The following STK38 variants were observed in gnomAD, a reference collection of about 807,000 sequenced individuals.
STK38 encodes serine/threonine kinase 38.
Under a neutral mutation model 59.0 loss-of-function variants are expected in STK38, and 26 were observed. The ratio of observed to expected loss-of-function variants is 0.44; its 90% CI spans 0.32 to 0.61. STK38 has a LOEUF of 0.61. Among genes scored for constraint, STK38 ranks in the 20% least tolerant of loss-of-function variants. STK38 has a pLI of 0.04. For missense variants in STK38, 433 were observed against 566.0 expected, an observed-to-expected ratio of 0.76 and a Z score of 2.38; for synonymous variants, 175 against 176.6, an observed-to-expected ratio of 0.99 and a Z score of 0.07.
chr6:36,514,100 A>G (rs1777185323), intron 7 of STK38, among the ~76,000 whole-genome samples: 1 of 147,732 alleles, frequency 6.8e-6, no homozygotes, highest in Non-Finnish European at 1.5e-5. Context: ...GCTTGCAGTG[A>G]GCCGAGACTG....
intron 2 of STK38, among the ~76,000 whole-genome samples, chr6:36,534,218 T>C (rs760149309): frequency 2.0e-5 from 3 of 151,970 alleles, no homozygotes; most frequent in Admixed American, 6.6e-5. Context: ...ATGACCATTA[T>C]GGAGATGATG....
rs764793487 is a variant in STK38, at chr6:36,515,320, C to G, written c.669+18G>C. ...GATCAGTAAACGTGCATAGTTCATG[C>G]CAATGCCCCCCCAATACCTTGCTGT... On this transcript the variant is annotated intron_variant, in intron 7 of 13. Coordinates refer to ENST00000229812, the MANE Select transcript of STK38 (RefSeq NM_007271.4). The G allele has an allele frequency of 3.1e-6, 5 of 1,612,420 alleles. No individual in the cohort carries two copies. The highest frequency in any genetic ancestry group is 4.2e-6 in the Non-Finnish European group (5 of 1,179,184).
intron 1 of STK38, among the ~76,000 whole-genome samples, chr6:36,546,256 C>G (rs141871135): frequency 6.6e-6 from 1 of 152,314 alleles, no homozygotes; most frequent in East Asian, 1.9e-4. Flanking sequence ...TTTTTGATGT[C>G]CATTCCTAGG....
intron 2 of STK38, among the ~76,000 whole-genome samples, chr6:36,527,212 ATG>A (rs202063693): frequency 0.018 from 2,357 of 132,764 alleles, 116 homozygotes; most frequent in East Asian, 0.13. Flanking sequence ...AAAAAAATAT[ATG>A]TATATATATA....
At chr6:36,521,934 C>CTAGTAA (rs1777386846) in intron 4 of STK38, 117 bp from the exon 5 acceptor site, 1 of 726,792 alleles carries the variant, frequency 1.4e-6, no homozygotes, top group Non-Finnish European at 2.2e-6. Flanking sequence ...ACATGAGCAA[C>CTAGTAA]TAGTAATAAC....
chr6:36,505,985 C>T (rs1776952877), intron 9 of STK38, among the ~76,000 whole-genome samples: 1 of 152,192 alleles, frequency 6.6e-6, no homozygotes, highest in Non-Finnish European at 1.5e-5. Context: ...TTCCAACATA[C>T]TATCAAGGTA....
intron 1 of STK38, among the ~76,000 whole-genome samples, chr6:36,543,118 G>A (rs1031924002): frequency 6.0e-5 from 9 of 151,016 alleles, no homozygotes; most frequent in Admixed American, 2.0e-4. Flanking sequence ...AGGCTGGAGT[G>A]CAGTGGCGCG....
rs1776715654 is a variant in STK38 at position 36,496,798 on chromosome 6, G to T, written c.1180C>A (p.Pro394Thr). 6.2e-7 allele frequency: 1 copy of T among 1,611,338 alleles called. No homozygotes were observed. Among genetic ancestry groups the T allele is most frequent in the Non-Finnish European group, 8.5e-7 (1 of 1,178,630 alleles). The change falls in exon 13 of 14, where the codon CCT (proline) becomes ACT (threonine). Residue 394 changes from proline (P) to threonine (T), a missense_variant. Transcript: ENST00000229812. ...TTGATTTCAATAGATATTGCAGCAG[G>T]TCTCTCTCTGCCAAGAATACACATG... Reference protein sequence around the residue: ...GVDWEHIRERPAAISIEIKSI... With the variant: ...GVDWEHIRERTAAISIEIKSI...
At chr6:36,533,227 A>T (rs1166921179) in intron 2 of STK38, among the ~76,000 whole-genome samples, 3 of 152,178 alleles carry the variant, frequency 2.0e-5, no homozygotes, top group Admixed American at 1.3e-4. Flanking sequence ...AGCTCACTGC[A>T]GCCTCAAACT....
chr6:36,533,065 CAA>C (rs751360605), intron 2 of STK38, among the ~76,000 whole-genome samples: 10 of 50,328 alleles, frequency 2.0e-4, no homozygotes, highest in Non-Finnish European at 2.6e-4. Flanking sequence ...GACTCCATCT[CAA>C]AAAAAAAAAA....
At chr6:36,497,938 CTTTT>C (rs147832342) in intron 11 of STK38, 63 bp from the exon 12 acceptor site, 9,858 of 647,726 alleles carry the variant, frequency 0.015, no homozygotes, top group East Asian at 0.037. Context: ...GAAAAACTTT[CTTTT>C]TTTTTTTTTT....
chr6:36,524,505 A>C (rs1777464154), intron 3 of STK38, 42 bp from the exon 4 acceptor site: 1 of 1,565,542 alleles, frequency 6.4e-7, no homozygotes, highest in South Asian at 1.2e-5. Flanking sequence ...GAAGGAACTG[A>C]AATTCTGAAA....
At chr6:36,546,966 G>A (rs993307561) in intron 1 of STK38, among the ~76,000 whole-genome samples, 2 of 152,192 alleles carry the variant, frequency 1.3e-5, no homozygotes, top group Non-Finnish European at 2.9e-5. Context: ...TGGAAAGGCT[G>A]GGACTGGAAA....
chr6:36,517,352 G>A (rs1777280188), intron 6 of STK38, among the ~76,000 whole-genome samples: 1 of 152,032 alleles, frequency 6.6e-6, no homozygotes, highest in African/African-American at 2.4e-5. Flanking sequence ...ACAAAAATTT[G>A]GAGCAAAGGA....
At position 36,508,375 on chromosome 6, in the gene STK38, T is replaced by C. The variant is rs1582415221; in HGVS notation, c.670-773A>G. Among the ~76,000 whole-genome samples, 5 of 152,356 alleles carry C rather than the reference T, an allele frequency of 3.3e-5. 2 individuals are homozygous for C. Among genetic ancestry groups the C allele is most frequent in the Admixed American group, 3.3e-4 (5 of 15,304 alleles). ...ATAACATGGATTATCAGGTCCCCTCTGACAGAGTCTGTATTCCCAGACCTA... is the reference window on the plus strand; with the variant it reads ...ATAACATGGATTATCAGGTCCCCTCCGACAGAGTCTGTATTCCCAGACCTA... On this transcript the variant is annotated intron_variant, in intron 7 of 13. Transcript: ENST00000229812.
At position 36,515,584 on chromosome 6, in the gene STK38, T is replaced by C; in HGVS notation, c.515-92A>G. ...ATACGAGTGAGTACCAATTTTCAGA[T>C]ATGTCTTCCCTATCTGCCAAAATAA... On this transcript the variant is annotated intron_variant, in intron 6 of 13. Transcript: ENST00000229812. The C allele has an allele frequency of 3.2e-6, 5 of 1,579,640 alleles. No homozygotes were observed. In the South Asian group the frequency reaches 4.5e-5, roughly 14 times the overall value.
rs201200962 is a variant in STK38 at position 36,515,327 on chromosome 6, C to A, written c.669+11G>T. 3 of 1,613,060 alleles carry A rather than the reference C, an allele frequency of 1.9e-6. No homozygotes were observed. The highest frequency in any genetic ancestry group is 2.5e-6 in the Non-Finnish European group (3 of 1,179,564). On this transcript the variant is annotated intron_variant, in intron 7 of 13. Transcript: ENST00000229812. ...AAACGTGCATAGTTCATGCCAATGCCCCCCCAATACCTTGCTGTCCAAAAG... is the reference window on the plus strand; with the variant it reads ...AAACGTGCATAGTTCATGCCAATGCACCCCCAATACCTTGCTGTCCAAAAG...
intron 9 of STK38, among the ~76,000 whole-genome samples, chr6:36,503,330 C>T (rs1311709406): frequency 1.3e-5 from 2 of 151,920 alleles, no homozygotes; most frequent in Middle Eastern, 3.2e-3. Context: ...AAAGATATTG[C>T]CCTGTATTTT....
rs1776658733 is a variant in STK38 at position 36,494,770 on chromosome 6, C to T, written c.*1014G>A. On this transcript the variant is annotated 3_prime_UTR_variant, in exon 14 of 14. Transcript: ENST00000229812. The stretch of plus-strand genomic sequence containing the variant: ...AGTGAGCTTTACAAGGACTTGTCAG[C>T]TGGCTCTGTACTTCTATTGGGCTGG... The T allele has an allele frequency of 6.6e-6, 1 of 152,570 alleles. No individual in the cohort carries two copies. The highest frequency in any genetic ancestry group is 1.5e-5 in the Non-Finnish European group (1 of 68,080). 9.5% of individuals were successfully genotyped at this position (152,570 alleles called of 1,614,324 possible). A position where few individuals can be genotyped will look rare whatever the true frequency, so the allele number is the denominator to read the frequency against.
Sources: gnomAD v4.1 joint callset for allele counts (sites outside exome capture counted in the v4.1 genomes callset) on GRCh38, gnomAD v4.1.1 for gene constraint, MANE v1.5 for transcripts, NCBI Gene and HGNC (gene_info 2026-07-23, HGNC 2026-07-21) for gene names.